Variants in PHLDB2 observed in about 807,000 individuals in gnomAD.
PHLDB2 encodes pleckstrin homology-like domain family B member 2.
A neutral mutation model predicts 123.6 loss-of-function variants in PHLDB2; 71 were observed. The observed-to-expected ratio is 0.57, with a 90% CI of 0.47 to 0.70. PHLDB2 has a LOEUF of 0.70. PHLDB2 is among the 30% of genes least tolerant of loss of function. PHLDB2 has a pLI of 0.00. For missense variants in PHLDB2, 1,446 were observed against 1,519.5 expected, an observed-to-expected ratio of 0.95 and a Z score of 0.80; for synonymous variants, 547 against 541.6, an observed-to-expected ratio of 1.01 and a Z score of -0.14.
At chr3:111,764,031 G>A (rs998326612) in intron 1 of PHLDB2, among the ~76,000 whole-genome samples, 40 of 152,194 alleles carry the variant, frequency 2.6e-4, no homozygotes, top group African/African-American at 9.7e-4. Context: ...TGGCCTTCTG[G>A]TAATGGTATA....
intron 1 of PHLDB2, among the ~76,000 whole-genome samples, chr3:111,813,983 A>G (rs2061959180): frequency 6.6e-6 from 1 of 152,206 alleles, no homozygotes; most frequent in Admixed American, 6.5e-5. Flanking sequence ...AATATTTGCT[A>G]AGAGGGAGAT....
Position 111,945,427 on chromosome 3 carries a change from A to T in PHLDB2, c.2487+70A>T, listed in dbSNP as rs983654494. On this transcript the variant is annotated intron_variant, in intron 9 of 17. Coordinates refer to ENST00000431670, the MANE Select transcript of PHLDB2 (RefSeq NM_001134438.2). ...AGGAGATGTATTTCAGCTTTATTTG[A>T]TTAGCTGAATAATAAAAATATTAAC... 1.3e-5 allele frequency: 15 copies of T among 1,137,986 alleles called. No individual in the cohort carries two copies. The Admixed American group carries it at 1.7e-4, about 13-fold the overall frequency. The allele number at this position is 1,137,986 out of a possible 1,614,324, so 70.5% of individuals were successfully genotyped here.
chr3:111,797,503 G>A (rs1576636815), intron 1 of PHLDB2, among the ~76,000 whole-genome samples: 1 of 152,172 alleles, frequency 6.6e-6, no homozygotes, highest in Non-Finnish European at 1.5e-5. Context: ...TTACTTGAAA[G>A]CAATTCAATC....
intron 1 of PHLDB2, among the ~76,000 whole-genome samples, chr3:111,799,405 A>G (rs1299599108): frequency 1.3e-5 from 2 of 152,270 alleles, no homozygotes; most frequent in Non-Finnish European, 2.9e-5. Context: ...AAAAAGTATT[A>G]GAAAAGAAAA....
intron 1 of PHLDB2, among the ~76,000 whole-genome samples, chr3:111,836,908 T>C (rs1028872797): frequency 6.6e-6 from 1 of 152,144 alleles, no homozygotes; most frequent in Non-Finnish European, 1.5e-5. Flanking sequence ...AGATGAGATT[T>C]GGGTGGGACA....
At chr3:111,895,807 C>G (rs2066809773) in intron 2 of PHLDB2, among the ~76,000 whole-genome samples, 1 of 152,006 alleles carries the variant, frequency 6.6e-6, no homozygotes, top group African/African-American at 2.4e-5. Context: ...CGAGATCGAG[C>G]CATTGCAGTC....
At chr3:111,955,701 C>T (rs1351765851) in intron 12 of PHLDB2, among the ~76,000 whole-genome samples, 1 of 152,114 alleles carries the variant, frequency 6.6e-6, no homozygotes, top group East Asian at 1.9e-4. Context: ...GATCTCCCAC[C>T]TTGGCCTCCC....
At chr3:111,889,901 C>T (rs976115894) in intron 2 of PHLDB2, among the ~76,000 whole-genome samples, 8 of 152,058 alleles carry the variant, frequency 5.3e-5, no homozygotes, top group Non-Finnish European at 1.2e-4. Context: ...GTGTTCCCCA[C>T]CCTGCCCCCA....
intron 2 of PHLDB2, among the ~76,000 whole-genome samples, chr3:111,895,076 A>T (rs1422745560): frequency 6.6e-6 from 1 of 152,090 alleles, no homozygotes; most frequent in Admixed American, 6.6e-5. Flanking sequence ...AACGGTTGTC[A>T]TACCTTTTTT....
At chr3:111,809,864 A>C (rs1216665792) in intron 1 of PHLDB2, among the ~76,000 whole-genome samples, 1 of 152,212 alleles carries the variant, frequency 6.6e-6, no homozygotes. Context: ...CATATAATAG[A>C]GTAACAAATT....
In PHLDB2 at chr3:111,748,496, C is replaced by CA. The variant is rs1271436166; in HGVS notation, c.-49+15795dup. ...GTGAGGCTCTACCAGAGCAGCCAGC[C>CA]AACTCATGTCCCTGTTTATTGTCAC... On this transcript the variant is annotated intron_variant, in intron 1 of 17. Transcript: ENST00000393923. Among the ~76,000 whole-genome samples the CA allele has an allele frequency of 4.6e-5, 7 of 152,246 alleles. No homozygotes were observed. The East Asian group carries it at 1.3e-3, about 29-fold the overall frequency.
Position 111,966,702 on chromosome 3 carries a change from G to C in PHLDB2, c.3167G>C (p.Arg1056Thr), listed in dbSNP as rs1324186077. 6.2e-7 allele frequency: 1 copy of C among 1,611,484 alleles called. No individual in the cohort carries two copies. Among genetic ancestry groups the C allele is most frequent in the African/African-American group, 1.3e-5 (1 of 74,728 alleles). The change falls in exon 14 of 18, where the codon AGG (arginine) becomes ACG (threonine). Residue 1056 changes from arginine to threonine, a missense_variant and splice_region_variant. Physicochemically the swap from Arg to Thr is moderately conservative, Grantham distance 71 (BLOSUM62 -1). Coordinates refer to ENST00000431670, the MANE Select transcript of PHLDB2 (RefSeq NM_001134438.2). ...GAAAAGACGCGGCTGCTCGAATCCA[G>C]GGTAAGCTTCATATTTTCATGCCGG... The part of the protein sequence containing the change: ...HAEKTRLLES[R>T]EREMEAKKRA...
intron 2 of PHLDB2, chr3:111,845,953 A>G (rs1211482302): frequency 6.2e-7 from 1 of 1,607,636 alleles, no homozygotes; most frequent in Non-Finnish European, 8.5e-7. Flanking sequence ...CTTTATTGTC[A>G]GAGGTTTTCA....
chr3:111,836,277 G>A (rs932706363), intron 1 of PHLDB2, among the ~76,000 whole-genome samples: 1 of 152,172 alleles, frequency 6.6e-6, no homozygotes, highest in Non-Finnish European at 1.5e-5. Flanking sequence ...AAGAAGCCCT[G>A]TTCACCTTTA....
At chr3:111,875,847 G>T (rs2065588162) in intron 1 of PHLDB2, among the ~76,000 whole-genome samples, 1 of 150,294 alleles carries the variant, frequency 6.7e-6, no homozygotes. Context: ...GAAAGAAAAT[G>T]TTTAATCAAC....
intron 1 of PHLDB2, among the ~76,000 whole-genome samples, chr3:111,874,829 G>A (rs1369178293): frequency 6.6e-6 from 1 of 152,104 alleles, no homozygotes; most frequent in Non-Finnish European, 1.5e-5. Context: ...TGAGTGAAGT[G>A]CCTAAAACTA....
At chr3:111,741,196 T>G (rs1307459941) in intron 1 of PHLDB2, among the ~76,000 whole-genome samples, 1 of 152,220 alleles carries the variant, frequency 6.6e-6, no homozygotes, top group Non-Finnish European at 1.5e-5. Context: ...TTTCCTACTT[T>G]CAAAAACTCA....
chr3:111,869,707 G>GTGTGTGTT (rs1553743196), intron 1 of PHLDB2, among the ~76,000 whole-genome samples: 1 of 22,754 alleles, frequency 4.4e-5, no homozygotes, highest in Non-Finnish European at 7.8e-4. Context: ...GTCTGTCTCT[G>GTGTGTGTT]TGTGTGTGTG....
chr3:111,843,731 T>C (rs1330817009), intron 1 of PHLDB2, among the ~76,000 whole-genome samples: 3 of 152,212 alleles, frequency 2.0e-5, no homozygotes, highest in Non-Finnish European at 2.9e-5. Flanking sequence ...ATACTCTAGC[T>C]ACAAATCCCT....
Sources: gnomAD v4.1 joint callset for allele counts (sites outside exome capture counted in the v4.1 genomes callset) on GRCh38, gnomAD v4.1.1 for gene constraint, MANE v1.5 for transcripts, NCBI Gene and HGNC (gene_info 2026-07-23, HGNC 2026-07-21) for gene names.